Variants in ZFPM2 observed in about 807,000 individuals in gnomAD.
ZFPM2 encodes zinc finger protein ZFPM2.
In ZFPM2, 20 loss-of-function variants were observed where a neutral mutation model predicts 98.6. The observed-to-expected ratio is 0.20, with a 90% CI of 0.14 to 0.29. ZFPM2 has a LOEUF of 0.29. Among genes scored for constraint, ZFPM2 ranks in the 10% least tolerant of loss-of-function variants. ZFPM2 has a pLI of 1.00. For synonymous variants in ZFPM2, 518 were observed against 502.7 expected, an observed-to-expected ratio of 1.03 and a Z score of -0.41; for missense variants, 1,310 against 1,388.6, an observed-to-expected ratio of 0.94 and a Z score of 0.90.
At chr8:105,396,624 C>T (rs565205177) in intron 1 of ZFPM2, among the ~76,000 whole-genome samples, 12 of 152,254 alleles carry the variant, frequency 7.9e-5, no homozygotes, top group Admixed American at 3.3e-4. Context: ...TCTTAATCTG[C>T]TGATTTGGTT....
At chr8:105,765,351 A>G (rs758422291) in intron 5 of ZFPM2, among the ~76,000 whole-genome samples, 25 of 151,754 alleles carry the variant, frequency 1.6e-4, no homozygotes, top group Non-Finnish European at 2.9e-4. Flanking sequence ...GCCACTGTCA[A>G]TTTCCCCTTA....
chr8:105,318,977 C>G lies in ZFPM2; in HGVS notation c.36C>G (p.Ile12Met), dbSNP rs1250467067. 3 of 1,489,302 alleles carry G rather than the reference C, an allele frequency of 2.0e-6. No individual in the cohort carries two copies. The highest frequency in any genetic ancestry group is 2.7e-6 in the Non-Finnish European group (3 of 1,111,844). 92.3% of individuals were successfully genotyped at this position (1,489,302 alleles called of 1,614,324 possible). A position where few individuals can be genotyped will look rare whatever the true frequency, so the allele number is the denominator to read the frequency against. Residue 12 changes from isoleucine to methionine, a missense_variant, in exon 1 of 8, where the codon ATC (isoleucine) becomes ATG (methionine). By Grantham distance (10) the Ile-to-Met change is conservative. Coordinates refer to ENST00000407775, the MANE Select transcript of ZFPM2 (RefSeq NM_012082.4). ...SRRKQSKPRQ[I>M]KRPLEDAIED... The stretch of plus-strand genomic sequence containing the variant: ...GAAAGCAAAGCAAACCCCGGCAGAT[C>G]AAACGTAAGTTTGCGCGCGGGGCCG...
At chr8:105,668,759 A>C (rs1322233886) in intron 5 of ZFPM2, among the ~76,000 whole-genome samples, 1 of 152,182 alleles carries the variant, frequency 6.6e-6, no homozygotes, top group Non-Finnish European at 1.5e-5. Context: ...TCATTTTCTT[A>C]TTACAGAATA....
chr8:105,323,761 T>A (rs1472690091), intron 1 of ZFPM2, among the ~76,000 whole-genome samples: 2 of 151,896 alleles, frequency 1.3e-5, no homozygotes, highest in African/African-American at 4.8e-5. Flanking sequence ...GTCATGAAGT[T>A]AGGTTTTTTA....
intron 5 of ZFPM2, among the ~76,000 whole-genome samples, chr8:105,745,974 G>T (rs1812334213): frequency 1.3e-5 from 2 of 152,008 alleles, no homozygotes; most frequent in South Asian, 2.1e-4. Context: ...TGTTCACCAT[G>T]TTGCCAAGGC....
intron 5 of ZFPM2, among the ~76,000 whole-genome samples, chr8:105,693,865 T>C (rs1810948888): frequency 6.6e-6 from 1 of 152,058 alleles, no homozygotes; most frequent in South Asian, 2.1e-4. Context: ...ATTTAAGATA[T>C]CCATTACTTC....
intron 1 of ZFPM2, among the ~76,000 whole-genome samples, chr8:105,370,113 A>G (rs9297361): frequency 0.21 from 32,459 of 152,030 alleles, 4,383 homozygotes; most frequent in East Asian, 0.51. Context: ...AAGCACTAGG[A>G]AACCACTGAG....
At chr8:105,557,864 C>T (rs1815034796) in intron 3 of ZFPM2, among the ~76,000 whole-genome samples, 4 of 152,104 alleles carry the variant, frequency 2.6e-5, no homozygotes, top group Admixed American at 1.3e-4. Context: ...GTCTGTGACC[C>T]ACCAGCCCAG....
chr8:105,577,385 C>T (rs2130733939), intron 4 of ZFPM2, among the ~76,000 whole-genome samples: 1 of 152,146 alleles, frequency 6.6e-6, no homozygotes, highest in Middle Eastern at 3.4e-3. Flanking sequence ...TTTAAGCCAA[C>T]AAATAAGATA....
At chr8:105,749,561 A>G in intron 5 of ZFPM2, among the ~76,000 whole-genome samples, 1 of 152,028 alleles carries the variant, frequency 6.6e-6, no homozygotes, top group Admixed American at 6.6e-5. Flanking sequence ...GGTCATGTTC[A>G]GCATTTTCTC....
chr8:105,636,423 G>A lies in ZFPM2; in HGVS notation c.532+2066G>A, dbSNP rs561939269. The stretch of plus-strand genomic sequence containing the variant: ...TTGATGATAATAGCCACCATTTATT[G>A]GGCACACCTTGAATTCTCTTCTTGA... On this transcript the variant is annotated intron_variant, in intron 5 of 7. Transcript: ENST00000407775. 2.6e-5 allele frequency among the ~76,000 whole-genome samples: 4 copies of A among 152,086 alleles called. No homozygotes were observed. The South Asian group carries it at 8.3e-4, about 32-fold the overall frequency.
At chr8:105,614,980 T>A (rs559654155) in intron 4 of ZFPM2, among the ~76,000 whole-genome samples, 3 of 152,278 alleles carry the variant, frequency 2.0e-5, no homozygotes, top group African/African-American at 7.2e-5. Context: ...CTTAAACTAG[T>A]CTAGTGCAAA....
At chr8:105,414,040 T>C (rs1811631324) in intron 1 of ZFPM2, among the ~76,000 whole-genome samples, 1 of 151,948 alleles carries the variant, frequency 6.6e-6, no homozygotes, top group African/African-American at 2.4e-5. Flanking sequence ...CTGCCCAGTA[T>C]TCTGAAACAA....
At chr8:105,327,032 T>G (rs2130657820) in intron 1 of ZFPM2, among the ~76,000 whole-genome samples, 1 of 151,644 alleles carries the variant, frequency 6.6e-6, no homozygotes, top group African/African-American at 2.4e-5. Context: ...GGAAGATATA[T>G]TTAATGTTAT....
chr8:105,657,965 G>A (rs1008896681), intron 5 of ZFPM2, among the ~76,000 whole-genome samples: 4 of 152,152 alleles, frequency 2.6e-5, no homozygotes, highest in African/African-American at 9.6e-5. Context: ...CTAAGAGGTA[G>A]GAGACTCATT....
At chr8:105,593,033 C>G (rs895749593) in intron 4 of ZFPM2, among the ~76,000 whole-genome samples, 1 of 152,038 alleles carries the variant, frequency 6.6e-6, no homozygotes. Context: ...AAATACTGAA[C>G]TGGGAGGAGG....
intron 2 of ZFPM2, among the ~76,000 whole-genome samples, chr8:105,440,739 C>T (rs1353387624): frequency 6.6e-6 from 1 of 152,166 alleles, no homozygotes; most frequent in Non-Finnish European, 1.5e-5. Context: ...GATACAGTCA[C>T]TGCTAGCAAC....
At chr8:105,626,318 G>T (rs1307372829) in intron 4 of ZFPM2, among the ~76,000 whole-genome samples, 2 of 152,132 alleles carry the variant, frequency 1.3e-5, no homozygotes, top group African/African-American at 4.8e-5. Context: ...ATAGCTGTTG[G>T]TAAGGGAAAT....
At chr8:105,463,008 T>C (rs1418829196) in intron 3 of ZFPM2, among the ~76,000 whole-genome samples, 1 of 151,700 alleles carries the variant, frequency 6.6e-6, no homozygotes, top group East Asian at 1.9e-4. Flanking sequence ...GGATTTGAGA[T>C]AAATAATAAA....
Sources: allele counts gnomAD v4.1 joint callset (sites outside exome capture counted in the v4.1 genomes callset), GRCh38; gene constraint gnomAD v4.1.1; transcripts MANE v1.5; gene names NCBI Gene and HGNC (gene_info 2026-07-23, HGNC 2026-07-21).